The following ARHGAP17 variants were observed in gnomAD, a reference collection of about 807,000 sequenced individuals.
ARHGAP17 encodes the protein Rho GTPase activating protein 17, also known as rho GTPase-activating protein 17.
In ARHGAP17, 57 loss-of-function variants were observed where a neutral mutation model predicts 99.5. The ratio of observed to expected loss-of-function variants is 0.57; its 90% CI spans 0.46 to 0.71. The LOEUF is 0.71. ARHGAP17 is among the 30% of genes least tolerant of loss of function. ARHGAP17 has a pLI of 0.00. For missense variants in ARHGAP17, 1,000 were observed against 1,122.4 expected, an observed-to-expected ratio of 0.89 and a Z score of 1.56; for synonymous variants, 417 against 429.6, an observed-to-expected ratio of 0.97 and a Z score of 0.36.
intron 1 of ARHGAP17, among the ~76,000 whole-genome samples, chr16:24,985,981 C>T (rs1395707040): frequency 1.3e-5 from 2 of 152,194 alleles, no homozygotes; most frequent in African/African-American, 4.8e-5. Flanking sequence ...ATACCATGTT[C>T]TACTTAACTG....
chr16:25,003,446 G>A (rs916418808), intron 1 of ARHGAP17, among the ~76,000 whole-genome samples: 3 of 151,906 alleles, frequency 2.0e-5, no homozygotes, highest in Non-Finnish European at 4.4e-5. Flanking sequence ...TGTTGGCCTG[G>A]CATCAAATCT....
chr16:24,996,843 T>C (rs1346717598), intron 1 of ARHGAP17, among the ~76,000 whole-genome samples: 2 of 151,616 alleles, frequency 1.3e-5, no homozygotes, highest in African/African-American at 4.8e-5. Context: ...CCCAGTACTT[T>C]GGAAGGCCGA....
Position 24,959,964 on chromosome 16 carries a change from C to T in ARHGAP17, c.589G>A (p.Asp197Asn), listed in dbSNP as rs755586828. Residue 197 changes from aspartate (D) to asparagine (N), a missense_variant, in exon 8 of 20, where the codon GAC (aspartate) becomes AAC (asparagine). Transcript: ENST00000289968. ...VEQCKDQLAA[D>N]MYNFMAKEGE... ...TCTTTGGCCATAAAGTTGTACATGTCTGCTGCAAGTTGATCCTGGGTAAAT... is the reference window on the plus strand; with the variant it reads ...TCTTTGGCCATAAAGTTGTACATGTTTGCTGCAAGTTGATCCTGGGTAAAT... 1 of 1,613,998 alleles carries T rather than the reference C, an allele frequency of 6.2e-7. No homozygotes were observed. Among genetic ancestry groups the T allele is most frequent in the Non-Finnish European group, 8.5e-7 (1 of 1,179,950 alleles).
At chr16:24,964,772 G>C (rs930161769) in intron 6 of ARHGAP17, among the ~76,000 whole-genome samples, 2 of 152,126 alleles carry the variant, frequency 1.3e-5, no homozygotes, top group African/African-American at 4.8e-5. Flanking sequence ...TACCATCTGT[G>C]ACCTGGGATT....
chr16:24,977,360 T>C, intron 2 of ARHGAP17, 41 bp from the exon 3 acceptor site: 3 of 1,506,730 alleles, frequency 2.0e-6, no homozygotes, highest in Non-Finnish European at 2.7e-6. Flanking sequence ...TCATCCTCTT[T>C]CTTTTGTGGT....
chr16:24,954,642 G>A lies in ARHGAP17; in HGVS notation c.813C>T (p.Ala271=). Residue 271 remains alanine (A), a synonymous_variant, in exon 10 of 20, where the codon GCC becomes GCT. Coordinates refer to ENST00000289968, the MANE Select transcript of ARHGAP17 (RefSeq NM_001006634.3). ...CTGTCTCCAGAAGCAGCATGACACA[G>A]GCTTCAATGGGCAGCGCAATCTCGC... ...SGREIALPIE[A]CVMLLLETGM... is the part of the protein sequence containing the mutation. 6.2e-7 allele frequency: 1 copy of A among 1,614,084 alleles called. No individual in the cohort carries two copies. Among genetic ancestry groups the A allele is most frequent in the South Asian group, 1.1e-5 (1 of 91,050 alleles).
intron 6 of ARHGAP17, among the ~76,000 whole-genome samples, chr16:24,966,506 G>A (rs1401795307): frequency 1.3e-5 from 2 of 152,100 alleles, no homozygotes; most frequent in African/African-American, 4.8e-5. Flanking sequence ...GGTGGCACAT[G>A]CTTGTAATCC....
intron 1 of ARHGAP17, among the ~76,000 whole-genome samples, chr16:24,982,999 T>TATA (rs59028948): frequency 4.5e-5 from 1 of 21,994 alleles, no homozygotes; most frequent in Non-Finnish European, 9.0e-5. Context: ...TATATATATT[T>TATA]TTTTTTTTTT....
At chr16:24,983,477 AT>A (rs2052764284) in intron 1 of ARHGAP17, among the ~76,000 whole-genome samples, 1 of 149,354 alleles carries the variant, frequency 6.7e-6, no homozygotes, top group Non-Finnish European at 1.5e-5. Flanking sequence ...AATTTTTAAA[AT>A]TTTTTTTATA....
At chr16:25,000,489 T>C (rs1347415577) in intron 1 of ARHGAP17, among the ~76,000 whole-genome samples, 1 of 152,148 alleles carries the variant, frequency 6.6e-6, no homozygotes, top group African/African-American at 2.4e-5. Context: ...AATCTTGGGG[T>C]TTTTGTCCAT....
At chr16:24,981,080 GT>G (rs2052662239) in intron 1 of ARHGAP17, among the ~76,000 whole-genome samples, 1 of 152,238 alleles carries the variant, frequency 6.6e-6, no homozygotes, top group African/African-American at 2.4e-5. Context: ...ATGTGGGAAA[GT>G]TAGTAATAGC....
At chr16:25,009,874 A>G (rs889641473) in intron 1 of ARHGAP17, among the ~76,000 whole-genome samples, 1 of 152,138 alleles carries the variant, frequency 6.6e-6, no homozygotes, top group African/African-American at 2.4e-5. Flanking sequence ...AAAGTATGCA[A>G]AGCACCAAGC....
chr16:24,927,753 T>C, intron 19 of ARHGAP17: 1 of 1,074,702 alleles, frequency 9.3e-7, no homozygotes, highest in East Asian at 6.0e-5. Flanking sequence ...TAATAAAATG[T>C]TTAAATTAGA....
intron 5 of ARHGAP17, 89 bp from the exon 6 acceptor site, chr16:24,968,516 C>A: frequency 6.4e-7 from 1 of 1,558,360 alleles, no homozygotes; most frequent in South Asian, 1.1e-5. Flanking sequence ...TTCTCTAAGG[C>A]AAAGGATTTT....
intron 1 of ARHGAP17, among the ~76,000 whole-genome samples, chr16:24,991,838 A>G (rs1436241196): frequency 6.6e-6 from 1 of 152,196 alleles, no homozygotes; most frequent in African/African-American, 2.4e-5. Context: ...TTCAGACGGT[A>G]TTTACGGAGT....
chr16:24,929,556 G>A (rs989102837), intron 19 of ARHGAP17: 7 of 978,700 alleles, frequency 7.2e-6, no homozygotes, highest in Non-Finnish European at 8.5e-6. Flanking sequence ...GGCTAAGCAG[G>A]AGCATTTGGA....
At chr16:25,011,155 C>G (rs757117995) in intron 1 of ARHGAP17, among the ~76,000 whole-genome samples, 4 of 152,222 alleles carry the variant, frequency 2.6e-5, no homozygotes, top group Admixed American at 6.5e-5. Flanking sequence ...AACAAAACAT[C>G]TCTCTTTTTA....
At chr16:24,971,891 T>G (rs992525222) in intron 3 of ARHGAP17, among the ~76,000 whole-genome samples, 6 of 152,094 alleles carry the variant, frequency 3.9e-5, no homozygotes, top group African/African-American at 1.4e-4. Context: ...CAGACCTGAG[T>G]GCTGATGGCC....
At position 24,955,591 on chromosome 16, in the gene ARHGAP17, C is replaced by T. The variant is rs548399350; in HGVS notation, c.725-861G>A. On this transcript the variant is annotated intron_variant, in intron 9 of 19. Coordinates refer to ENST00000289968, the MANE Select transcript of ARHGAP17 (RefSeq NM_001006634.3). The surrounding 1 kb of genome is among the most constrained non-coding windows in gnomAD (Gnocchi z 4.0). ...CTCGCAGAAGCAAAGGAGGGCAAACCAGTTGTGAAAACTGCTCCAGGGAGA... is the reference window on the plus strand; with the variant it reads ...CTCGCAGAAGCAAAGGAGGGCAAACTAGTTGTGAAAACTGCTCCAGGGAGA... 158 of 152,348 alleles carry T rather than the reference C, an allele frequency of 1.0e-3. No individual in the cohort carries two copies. Among genetic ancestry groups the T allele is most frequent in the African/African-American group, 3.5e-3 (147 of 41,568 alleles). The allele number at this position is 152,348 out of a possible 1,614,324, so 9.4% of individuals were successfully genotyped here. A position where few individuals can be genotyped will look rare whatever the true frequency, so the allele number is the denominator to read the frequency against.
Sources: allele counts gnomAD v4.1 joint callset (sites outside exome capture counted in the v4.1 genomes callset), GRCh38; gene constraint gnomAD v4.1.1; non-coding constraint Gnocchi (gnomAD v3.1); transcripts MANE v1.5; gene names NCBI Gene and HGNC (gene_info 2026-07-23, HGNC 2026-07-21).